Variants in TMEM116 observed in about 807,000 individuals in gnomAD.
TMEM116 encodes the protein transmembrane protein 116.
In TMEM116, 38 loss-of-function variants were observed where a neutral mutation model predicts 44.3. The ratio of observed to expected loss-of-function variants is 0.86; its 90% CI spans 0.66 to 1.12. The LOEUF is 1.12. TMEM116 is among the 50% of genes most tolerant of loss of function. The probability of loss-of-function intolerance (pLI) is 0.00; values close to 1 mark genes in which losing one functional copy is unlikely to be tolerated. For missense variants in TMEM116, 354 were observed against 401.7 expected, an observed-to-expected ratio of 0.88 and a Z score of 1.01; for synonymous variants, 132 against 144.8, an observed-to-expected ratio of 0.91 and a Z score of 0.64.
intron 3 of TMEM116, chr12:111,993,354 C>T: frequency 1.9e-6 from 1 of 522,988 alleles, no homozygotes; most frequent in South Asian, 1.5e-5. Flanking sequence ...GGCTAAAGGA[C>T]AGGCTCTGAC....
intron 3 of TMEM116, chr12:111,993,647 G>A (rs889999744): frequency 3.4e-6 from 2 of 580,102 alleles, no homozygotes; most frequent in African/African-American, 1.9e-5. Context: ...GCTCCTCTCT[G>A]GATGAGACAG....
intron 4 of TMEM116, among the ~76,000 whole-genome samples, chr12:111,964,657 G>C (rs2074863552): frequency 1.3e-5 from 2 of 152,106 alleles, no homozygotes; most frequent in Non-Finnish European, 2.9e-5. Flanking sequence ...GTATTCCAAA[G>C]TGTGGCAACA....
rs999390094 is a variant in TMEM116 at position 111,937,225 on chromosome 12, C to T, written c.384G>A (p.Leu128=). The T allele has an allele frequency of 1.2e-6, 2 of 1,613,682 alleles. No homozygotes were observed. The highest frequency in any genetic ancestry group is 2.2e-5 in the East Asian group (1 of 44,846). Residue 128 remains leucine, a synonymous_variant, in exon 7 of 11, where the codon TTG becomes TTA. Transcript: ENST00000552374. ...FVFSSLIPLL[L]MTPVFCLGNT... is the part of the protein sequence containing the mutation. ...TTCCCAGACAGAATACAGGTGTCAT[C>T]AATAGCAGAGGTATCAGGCTGGGAG...
At chr12:112,009,535 T>A (rs80093200) in intron 1 of TMEM116, among the ~76,000 whole-genome samples, 1,916 of 125,784 alleles carry the variant, frequency 0.015, 56 homozygotes, top group African/African-American at 0.053. Context: ...TGGGTTTACT[T>A]AAAAAAAAAA....
chr12:111,991,005 G>C lies in TMEM116; in HGVS notation c.210+753C>G, dbSNP rs376598399. 2.0e-5 allele frequency among the ~76,000 whole-genome samples: 3 copies of C among 152,202 alleles called. No individual in the cohort carries two copies. The East Asian group carries it at 5.8e-4, about 29-fold the overall frequency. On this transcript the variant is annotated intron_variant, in intron 4 of 10. Coordinates refer to ENST00000552374, the MANE Select transcript of TMEM116 (RefSeq NM_001193531.2). Reference sequence around the variant, plus strand: ...GGAGGCTGAGACTGGCAGATCATGAGGTCAAGAGATCGAGACCATCCTGGC... The same window carrying C: ...GGAGGCTGAGACTGGCAGATCATGACGTCAAGAGATCGAGACCATCCTGGC...
At chr12:111,936,584 GACC>G in intron 8 of TMEM116, 105 bp downstream of exon 8, 1 of 1,282,242 alleles carries the variant, frequency 7.8e-7, no homozygotes. Flanking sequence ...TTAGTTCTAG[GACC>G]ACAAGAAGTG....
At chr12:111,982,789 C>T (rs980243786) in intron 4 of TMEM116, among the ~76,000 whole-genome samples, 2 of 152,022 alleles carry the variant, frequency 1.3e-5, no homozygotes, top group African/African-American at 2.4e-5. Context: ...GAAGCAAAGG[C>T]TAAGAAAGAG....
chr12:112,008,288 C>T (rs1039952589), intron 1 of TMEM116, among the ~76,000 whole-genome samples: 2 of 152,084 alleles, frequency 1.3e-5, no homozygotes, highest in African/African-American at 4.8e-5. Context: ...GGAGACCAGC[C>T]TGGCCAAGAT....
At chr12:111,960,475 G>A (rs1358367218) in intron 4 of TMEM116, among the ~76,000 whole-genome samples, 14 of 109,840 alleles carry the variant, frequency 1.3e-4, no homozygotes, top group Admixed American at 9.8e-4. Context: ...CTGGGCGACA[G>A]AGCAAGACTC....
At chr12:111,937,131 T>C (rs199817310) in intron 7 of TMEM116, 29 bp downstream of exon 7, 29 of 1,578,002 alleles carry the variant, frequency 1.8e-5, no homozygotes, top group Non-Finnish European at 2.4e-5. Context: ...TAGTCTGCCA[T>C]GAAAATTATA....
intron 2 of TMEM116, 150 bp from the exon 3 acceptor site, chr12:112,004,013 C>A: frequency 8.6e-7 from 1 of 1,168,398 alleles, no homozygotes; most frequent in Non-Finnish European, 1.1e-6. Context: ...CAGGGTCTTG[C>A]TATGTCAGCC....
chr12:111,955,209 G>A (rs1215098686), intron 4 of TMEM116, among the ~76,000 whole-genome samples: 1 of 152,184 alleles, frequency 6.6e-6, no homozygotes, highest in East Asian at 1.9e-4. Flanking sequence ...CAGGGCTGCA[G>A]CTGCTGACTC....
At chr12:111,988,536 CAA>C (rs879846935) in intron 4 of TMEM116, among the ~76,000 whole-genome samples, 3 of 129,912 alleles carry the variant, frequency 2.3e-5, no homozygotes, top group Non-Finnish European at 1.7e-5. Flanking sequence ...CAGTAAAATA[CAA>C]AAAAAAAAAA....
At chr12:111,992,233 T>C (rs1042247301) in intron 3 of TMEM116, among the ~76,000 whole-genome samples, 5 of 151,970 alleles carry the variant, frequency 3.3e-5, no homozygotes, top group African/African-American at 7.2e-5. Context: ...AAGGAGACAA[T>C]TGAGAGTGCT....
intron 4 of TMEM116, among the ~76,000 whole-genome samples, chr12:111,971,370 G>A (rs916623450): frequency 6.6e-6 from 1 of 152,010 alleles, no homozygotes; most frequent in Non-Finnish European, 1.5e-5. Context: ...CATAAAGATT[G>A]GGAGAAGAGA....
intron 4 of TMEM116, among the ~76,000 whole-genome samples, chr12:111,973,401 C>T (rs181046519): frequency 4.6e-5 from 7 of 152,158 alleles, no homozygotes; most frequent in East Asian, 1.9e-4. Flanking sequence ...TGGCACATGC[C>T]CATATTCCAG....
intron 7 of TMEM116, 38 bp downstream of exon 7, chr12:111,937,122 A>G (rs1385612849): frequency 6.5e-7 from 1 of 1,529,812 alleles, no homozygotes; most frequent in Non-Finnish European, 9.1e-7. Flanking sequence ...AAATAGGTGT[A>G]GTCTGCCATG....
intron 4 of TMEM116, among the ~76,000 whole-genome samples, chr12:111,947,704 C>A (rs1462127138): frequency 6.6e-6 from 1 of 152,152 alleles, no homozygotes; most frequent in East Asian, 1.9e-4. Context: ...TTCTTCCCTA[C>A]AGGTATCTGC....
chr12:111,991,241 G>A (rs1271720196), intron 4 of TMEM116, among the ~76,000 whole-genome samples: 6 of 138,440 alleles, frequency 4.3e-5, no homozygotes, highest in Non-Finnish European at 3.1e-5. Context: ...AAAAAAAAAC[G>A]GCTGGGTGCG....
Sources: allele counts gnomAD v4.1 joint callset (sites outside exome capture counted in the v4.1 genomes callset), GRCh38; gene constraint gnomAD v4.1.1; transcripts MANE v1.5; gene names NCBI Gene and HGNC (gene_info 2026-07-23, HGNC 2026-07-21).